Variants in TRMT11 observed in about 807,000 individuals in gnomAD.
The protein encoded by TRMT11 is tRNA methyltransferase 11.
Under a neutral mutation model 62.8 loss-of-function variants are expected in TRMT11, and 53 were observed. The ratio of observed to expected loss-of-function variants is 0.84; its 90% CI spans 0.68 to 1.06. The LOEUF (loss-of-function observed/expected upper bound fraction) is 1.06. Among genes scored for constraint, TRMT11 ranks in the 50% least tolerant of loss-of-function variants. The pLI, the probability that TRMT11 is intolerant of heterozygous loss-of-function variation, is 0.00. For synonymous variants in TRMT11, 188 were observed against 190.3 expected, an observed-to-expected ratio of 0.99 and a Z score of 0.10; for missense variants, 556 against 553.4, an observed-to-expected ratio of 1.00 and a Z score of -0.05.
chr6:126,111,932 G>GATAC (rs1777536901), intron 17 of TRMT11, among the ~76,000 whole-genome samples: 1 of 151,368 alleles, frequency 6.6e-6, no homozygotes, highest in South Asian at 2.1e-4. Context: ...TAAATGAGGT[G>GATAC]ATACAATATG....
intron 1 of TRMT11, among the ~76,000 whole-genome samples, chr6:126,189,953 TCATA>T (rs202121844): frequency 1.0e-3 from 151 of 150,646 alleles, no homozygotes; most frequent in African/African-American, 3.4e-3. Context: ...TATAATATTT[TCATA>T]CATATAATAT....
intron 4 of TRMT11, 35 bp downstream of exon 4, chr6:125,998,169 G>A (rs759572937): frequency 8.8e-6 from 14 of 1,595,206 alleles, no homozygotes; most frequent in Non-Finnish European, 1.1e-5. Context: ...ATAGGCATGC[G>A]TGCAGATTCT....
chr6:126,078,697 C>T (rs1025654200), intron 17 of TRMT11, among the ~76,000 whole-genome samples: 1 of 152,082 alleles, frequency 6.6e-6, no homozygotes, highest in Non-Finnish European at 1.5e-5. Flanking sequence ...ATAAAACTTC[C>T]GTCAACTTGA....
intron 1 of TRMT11, 196 bp downstream of exon 1, chr6:125,986,818 C>T: frequency 3.5e-6 from 2 of 564,582 alleles, no homozygotes; most frequent in Non-Finnish European, 6.3e-6. Flanking sequence ...CGAGACCAAA[C>T]CCCTCGGCCT....
At chr6:126,115,640 A>G (rs961532096) in intron 20 of TRMT11, among the ~76,000 whole-genome samples, 4 of 152,176 alleles carry the variant, frequency 2.6e-5, no homozygotes, top group South Asian at 4.1e-4. Flanking sequence ...ACATTAGAAC[A>G]TTGCTCAACT....
intron 12 of TRMT11, among the ~76,000 whole-genome samples, chr6:126,034,452 T>A (rs1774802942): frequency 6.6e-6 from 1 of 152,158 alleles, no homozygotes; most frequent in Non-Finnish European, 1.5e-5. Context: ...ATGTCTTCCT[T>A]ATGTAGCCAT....
chr6:126,166,487 G>T (rs1354424749), intron 21 of TRMT11, among the ~76,000 whole-genome samples: 1 of 152,166 alleles, frequency 6.6e-6, no homozygotes. Flanking sequence ...AAAGATTGCT[G>T]CCTGTTCCTT....
At chr6:126,144,348 C>T (rs969758662) in intron 21 of TRMT11, among the ~76,000 whole-genome samples, 1 of 152,096 alleles carries the variant, frequency 6.6e-6, no homozygotes, top group South Asian at 2.1e-4. Flanking sequence ...AAAAAATTGG[C>T]GTGAATTCAT....
intron 1 of TRMT11, chr6:126,177,485 G>A (rs1351013126): frequency 1.3e-5 from 2 of 151,978 alleles, no homozygotes; most frequent in South Asian, 2.1e-4. Flanking sequence ...ATTCCAAATG[G>A]CTAAATAACA....
At chr6:126,014,889 C>T (rs1252861697) in intron 11 of TRMT11, among the ~76,000 whole-genome samples, 1 of 151,854 alleles carries the variant, frequency 6.6e-6, no homozygotes, top group Non-Finnish European at 1.5e-5. Flanking sequence ...ATTCCCAGTG[C>T]TGTATTCACT....
At chr6:126,112,411 G>A (rs892430068) in intron 17 of TRMT11, among the ~76,000 whole-genome samples, 1 of 151,990 alleles carries the variant, frequency 6.6e-6, no homozygotes. Context: ...TTTCTTTTTT[G>A]AAGGGTTTTC....
intron 9 of TRMT11, among the ~76,000 whole-genome samples, chr6:126,011,663 A>G (rs1354320010): frequency 6.6e-6 from 1 of 152,032 alleles, no homozygotes; most frequent in Non-Finnish European, 1.5e-5. Context: ...ATCCTTTTAT[A>G]TTAACTTGTC....
At chr6:126,058,223 G>C (rs1250674333) in intron 17 of TRMT11, among the ~76,000 whole-genome samples, 1 of 152,118 alleles carries the variant, frequency 6.6e-6, no homozygotes, top group African/African-American at 2.4e-5. Context: ...TTCTGTTCCT[G>C]TGTTAGTTTG....
chr6:126,011,400 A>T lies in TRMT11; in HGVS notation c.908A>T (p.Asp303Val), dbSNP rs759180907. Residue 303 changes from aspartate to valine, a missense_variant, in exon 9 of 13, where the codon GAT becomes GTT. Coordinates refer to ENST00000334379, the MANE Select transcript of TRMT11 (RefSeq NM_001031712.3). ...TCCTGGAGGAAGGGCACATATTTTGATGCAATCATTACTGATCGTAAGTTT... is the reference window on the plus strand; with the variant it reads ...TCCTGGAGGAAGGGCACATATTTTGTTGCAATCATTACTGATCGTAAGTTT... ...KPSWRKGTYF[D>V]AIITDPPYGI... 2 of 1,612,590 alleles carry T rather than the reference A, an allele frequency of 1.2e-6. No homozygotes were observed. Among genetic ancestry groups the T allele is most frequent in the Admixed American group, 3.3e-5 (2 of 59,880 alleles).
chr6:126,103,343 A>C (rs1318447484), intron 17 of TRMT11, among the ~76,000 whole-genome samples: 2 of 152,242 alleles, frequency 1.3e-5, no homozygotes, highest in Non-Finnish European at 2.9e-5. Flanking sequence ...CACAATGCAC[A>C]ATTGAGTTGT....
chr6:126,002,817 T>C (rs1792735212), intron 7 of TRMT11, among the ~76,000 whole-genome samples: 1 of 152,142 alleles, frequency 6.6e-6, no homozygotes, highest in Non-Finnish European at 1.5e-5. Flanking sequence ...TAGTTGATTC[T>C]TCCTGTTTCT....
At chr6:126,015,327 G>A (rs896238131) in intron 11 of TRMT11, among the ~76,000 whole-genome samples, 3 of 73,686 alleles carry the variant, frequency 4.1e-5, no homozygotes, top group African/African-American at 6.5e-5. Flanking sequence ...CCGGGTTCAC[G>A]CCATTTCTCC....
Position 126,105,516 on chromosome 6 carries a change from G to C in TRMT11, c.*1438-7350G>C, listed in dbSNP as rs575786552. 2.0e-5 allele frequency among the ~76,000 whole-genome samples: 3 copies of C among 152,114 alleles called. No individual in the cohort carries two copies. In the East Asian group the frequency reaches 5.8e-4, roughly 29 times the overall value. ...CAAGTACCTGGAAGCCAGATGATGC[G>C]GGGTAGAGGCACAGCTCCCCCAGTT... is the stretch of plus-strand genomic sequence containing the variant. On this transcript the variant is annotated intron_variant and NMD_transcript_variant, in intron 17 of 22. Transcript: ENST00000648977.
At chr6:126,124,759 G>A (rs529132080) in intron 21 of TRMT11, among the ~76,000 whole-genome samples, 77 of 152,124 alleles carry the variant, frequency 5.1e-4, no homozygotes, top group Non-Finnish European at 8.5e-4. Context: ...GTGAGCATGC[G>A]CAGACAGGAT....
Sources: allele counts gnomAD v4.1 joint callset (sites outside exome capture counted in the v4.1 genomes callset), GRCh38; gene constraint gnomAD v4.1.1; transcripts MANE v1.5; gene names NCBI Gene and HGNC (gene_info 2026-07-23, HGNC 2026-07-21).